LOC128092250: variants seen among roughly 807,000 people sequenced by gnomAD.
chr8:32,647,323 G>A, the LOC128092250 span: 1 of 985,384 alleles, frequency 1.0e-6, no homozygotes, highest in Non-Finnish European at 1.2e-6. Context: ...CTTCATCTGA[G>A]CAGACACCAG....
chr8:32,647,257 C>T, the LOC128092250 span: 2 of 985,342 alleles, frequency 2.0e-6, no homozygotes, highest in Non-Finnish European at 2.4e-6. Flanking sequence ...CTGCCGCCGC[C>T]GCCACCGCCG....
At chr8:32,647,376 T>C in the LOC128092250 span, 1 of 985,406 alleles carries the variant, frequency 1.0e-6, no homozygotes, top group Non-Finnish European at 1.2e-6. Flanking sequence ...CAGTTTGGGC[T>C]ACTGGTTTAC....
At chr8:32,647,261 A>G in the LOC128092250 span, 4 of 984,336 alleles carry the variant, frequency 4.1e-6, no homozygotes, top group Non-Finnish European at 4.8e-6. Context: ...CGCCGCCGCC[A>G]CCGCCGCTGG....
chr8:32,647,274 C>G, the LOC128092250 span: 3 of 985,284 alleles, frequency 3.0e-6, no homozygotes, highest in Non-Finnish European at 2.4e-6. Flanking sequence ...GCCGCTGGTC[C>G]TCCTTCTGCT....
the LOC128092250 span, chr8:32,647,349 G>A: frequency 4.1e-6 from 4 of 985,250 alleles, no homozygotes; most frequent in Non-Finnish European, 2.4e-6. Context: ...GATGCTCGAG[G>A]TGAGAAACAT....
chr8:32,647,283 CTT>C, the LOC128092250 span: 1 of 985,406 alleles, frequency 1.0e-6, no homozygotes, highest in Non-Finnish European at 1.2e-6. Flanking sequence ...CCTCCTTCTG[CTT>C]TTACTTCTCC....
At chr8:32,647,353 G>C in the LOC128092250 span, 6 of 985,366 alleles carry the variant, frequency 6.1e-6, no homozygotes, top group Non-Finnish European at 7.2e-6. Flanking sequence ...CTCGAGGTGA[G>C]AAACATGCCT....
chr8:32,647,342 G>A, the LOC128092250 span: 18 of 985,252 alleles, frequency 1.8e-5, no homozygotes, highest in Non-Finnish European at 2.2e-5. Context: ...AGCTTCAGAT[G>A]CTCGAGGTGA....
chr8:32,647,304 A>T, the LOC128092250 span: 1 of 985,240 alleles, frequency 1.0e-6, no homozygotes. Flanking sequence ...CCTGCATGAC[A>T]GTTGTTTTCT....
the LOC128092250 span, chr8:32,647,225 G>A: frequency 1.0e-6 from 1 of 985,218 alleles, no homozygotes; most frequent in African/African-American, 1.7e-5. Context: ...TGTCACTACT[G>A]CCTCTCCTGC....
At chr8:32,647,242 T>C in the LOC128092250 span, 3 of 985,236 alleles carry the variant, frequency 3.0e-6, no homozygotes, top group Admixed American at 6.2e-5. Flanking sequence ...CTGCCGCCGC[T>C]GCTGCTGCCG....
chr8:32,647,265 C>A, the LOC128092250 span: 2 of 985,316 alleles, frequency 2.0e-6, no homozygotes, highest in African/African-American at 3.5e-5. Flanking sequence ...GCCGCCACCG[C>A]CGCTGGTCCT....
chr8:32,647,379 T>TGACAAACCTTTCAGTTTG, the LOC128092250 span: 11 of 985,398 alleles, frequency 1.1e-5, no homozygotes, highest in Non-Finnish European at 1.3e-5. Flanking sequence ...TTTGGGCTAC[T>TGACAAACCTTTCAGTTTG]GGTTTACTTA....
chr8:32,647,219 A>ACTACTGCC, the LOC128092250 span: 1 of 985,178 alleles, frequency 1.0e-6, no homozygotes, highest in Non-Finnish European at 1.2e-6. Context: ...TGCTATTGTC[A>ACTACTGCC]CTACTGCCTC....
chr8:32,647,273 C>T, the LOC128092250 span: 2 of 985,272 alleles, frequency 2.0e-6, no homozygotes, highest in Admixed American at 1.2e-4. Context: ...CGCCGCTGGT[C>T]CTCCTTCTGC....
chr8:32,647,239 C>T, the LOC128092250 span: 19 of 983,402 alleles, frequency 1.9e-5, no homozygotes, highest in South Asian at 4.7e-5. Flanking sequence ...CTCCTGCCGC[C>T]GCTGCTGCTG....
At chr8:32,647,336 T>G in the LOC128092250 span, 1 of 985,262 alleles carries the variant, frequency 1.0e-6, no homozygotes, top group African/African-American at 1.7e-5. Context: ...GACACCAGCT[T>G]CAGATGCTCG....
At chr8:32,647,239 C>CGCTGCT in the LOC128092250 span, 6 of 983,402 alleles carry the variant, frequency 6.1e-6, no homozygotes, top group African/African-American at 1.7e-5. Flanking sequence ...CTCCTGCCGC[C>CGCTGCT]GCTGCTGCTG....
the LOC128092250 span, chr8:32,647,239 C>G: frequency 4.1e-6 from 4 of 983,402 alleles, no homozygotes; most frequent in Non-Finnish European, 4.8e-6. Flanking sequence ...CTCCTGCCGC[C>G]GCTGCTGCTG....
Sources: gnomAD v4.1 joint callset for allele counts on GRCh38, gnomAD v4.1.1 for gene constraint, MANE v1.5 for transcripts.